Variants in MYADML2 observed in about 807,000 individuals in gnomAD.
MYADML2 encodes the protein myeloid-associated differentiation marker-like protein 2.
A neutral mutation model predicts 16.0 loss-of-function variants in MYADML2; 17 were observed. That is an observed-to-expected ratio of 1.06 (90% CI 0.73 to 1.60). The LOEUF is 1.60. Ranked by LOEUF, MYADML2 falls within the 40% of genes most tolerant of loss-of-function variation. MYADML2 has a pLI of 0.00. For synonymous variants in MYADML2, 210 were observed against 208.1 expected, an observed-to-expected ratio of 1.01 and a Z score of -0.08; for missense variants, 422 against 437.7, an observed-to-expected ratio of 0.96 and a Z score of 0.32.
chr17:81,941,582 A>G lies in MYADML2; in HGVS notation c.160T>C (p.Cys54Arg), dbSNP rs1598362498. The G allele has an allele frequency of 2.6e-6, 4 of 1,548,584 alleles. No homozygotes were observed. The highest frequency in any genetic ancestry group is 3.5e-6 in the Non-Finnish European group (4 of 1,146,836). Residue 54 changes from cysteine to arginine, a missense_variant, in exon 3 of 3, where the codon TGC becomes CGC. Coordinates refer to ENST00000409745, the MANE Select transcript of MYADML2 (RefSeq NM_001145113.3). ...AAGCAGAAGCCCCAGGCGGCCATGC[A>G]GAAGGTGCCCTGGACGCCCGCAAAG... ...GGFAGVQGTFCMAAWGFCFAV... is the reference protein window; with the variant it reads ...GGFAGVQGTFRMAAWGFCFAV...
At chr17:81,945,586 C>G (rs9915949) in intron 1 of MYADML2, among the ~76,000 whole-genome samples, 77,264 of 150,392 alleles carry the variant, frequency 0.51, 20,848 homozygotes, top group Non-Finnish European at 0.6. Flanking sequence ...CCTGTAATCT[C>G]AGTTACTGGG....
rs184132003 is a variant in MYADML2, at chr17:81,940,551, G to C, written c.*267C>G. On this transcript the variant is annotated 3_prime_UTR_variant, in exon 3 of 3. Transcript: ENST00000409745. ...CCAGCACTGAGCCCCAGGAGCGCTG[G>C]GAAATGGTGAGAGAGAGTGAGTTGG... is the stretch of plus-strand genomic sequence containing the variant. 4.0e-5 allele frequency: 18 copies of C among 447,002 alleles called. No homozygotes were observed. Among genetic ancestry groups the C allele is most frequent in the Non-Finnish European group, 5.6e-5 (14 of 250,004 alleles). The allele number at this position is 447,002 out of a possible 1,614,324, so 27.7% of individuals were successfully genotyped here. A position where few individuals can be genotyped will look rare whatever the true frequency, so the allele number is the denominator to read the frequency against.
In MYADML2 at chr17:81,941,336, C is replaced by G; in HGVS notation, c.406G>C (p.Gly136Arg). The G allele has an allele frequency of 6.5e-7, 1 of 1,549,046 alleles. No homozygotes were observed. ...ACAGCGTAGGCCAGGAAGAGGAGCC[C>G]GGCGAAGACACTGGCTGCCAGGCGG... ...DFRLAASVFA[G>R]LLFLAYAVEV... Residue 136 changes from glycine to arginine, a missense_variant, in exon 3 of 3, where the codon GGG becomes CGG. Gly to Arg is a moderately radical substitution (Grantham distance 125, BLOSUM62 -2). Transcript: ENST00000409745.
In MYADML2 at chr17:81,941,055, C is replaced by T; in HGVS notation, c.687G>A (p.Arg229=). ...CCAGGAAGGTGTACACCACCACCAGCCGGTCAAAGGGGCAGCCCAGGCCCC... is the reference window on the plus strand; with the variant it reads ...CCAGGAAGGTGTACACCACCACCAGTCGGTCAAAGGGGCAGCCCAGGCCCC... ...HTGGLGCPFD[R]LVVVYTFLAV... Residue 229 remains arginine (R), a synonymous_variant, in exon 3 of 3, where the codon CGG becomes CGA. Coordinates refer to ENST00000409745, the MANE Select transcript of MYADML2 (RefSeq NM_001145113.3). 1 of 1,550,466 alleles carries T rather than the reference C, an allele frequency of 6.4e-7. No individual in the cohort carries two copies. Among genetic ancestry groups the T allele is most frequent in the Non-Finnish European group, 8.7e-7 (1 of 1,146,990 alleles).
rs1279132999 is a variant in MYADML2, at chr17:81,940,459, G to A, written c.*359C>T. ...CCTCGCAAATGCTTCTAGCCTCCAT[G>A]TCCCCAGCTGCAAAATGGGTCACAA... is the stretch of plus-strand genomic sequence containing the variant. On this transcript the variant is annotated 3_prime_UTR_variant, in exon 3 of 3. Transcript: ENST00000409745. The A allele has an allele frequency of 4.5e-6, 1 of 221,482 alleles. No individual in the cohort carries two copies. Among genetic ancestry groups the A allele is most frequent in the Non-Finnish European group, 9.0e-6 (1 of 110,552 alleles). 13.7% of individuals were successfully genotyped at this position (221,482 alleles called of 1,614,324 possible).
chr17:81,941,085 G>A lies in MYADML2; in HGVS notation c.657C>T (p.His219=), dbSNP rs2041298743. 3 of 1,550,300 alleles carry A rather than the reference G, an allele frequency of 1.9e-6. No individual in the cohort carries two copies. Among genetic ancestry groups the A allele is most frequent in the East Asian group, 2.4e-5 (1 of 40,940 alleles). ...CAAAGGGGCAGCCCAGGCCCCCTGTGTGGCCCATCACACTCAGGGCCACCA... is the reference window on the plus strand; with the variant it reads ...CAAAGGGGCAGCCCAGGCCCCCTGTATGGCCCATCACACTCAGGGCCACCA... ...VAVVALSVMG[H]TGGLGCPFDR... The change falls in exon 3 of 3, where the codon CAC becomes CAT. Residue 219 remains histidine, a synonymous_variant. Coordinates refer to ENST00000409745, the MANE Select transcript of MYADML2 (RefSeq NM_001145113.3).
intron 1 of MYADML2, among the ~76,000 whole-genome samples, chr17:81,944,883 C>T (rs2041331814): frequency 6.6e-6 from 1 of 152,224 alleles, no homozygotes; most frequent in African/African-American, 2.4e-5. Context: ...CTTGGAGGGT[C>T]CTGGAAGCTC....
intron 1 of MYADML2, among the ~76,000 whole-genome samples, chr17:81,943,729 T>C (rs1399789151): frequency 6.6e-6 from 1 of 152,106 alleles, no homozygotes; most frequent in Non-Finnish European, 1.5e-5. Context: ...AAAGAAAAAT[T>C]GCCTGTAATT....
At position 81,941,269 on chromosome 17, in the gene MYADML2, C is replaced by T. The variant is rs1333351983; in HGVS notation, c.473G>A (p.Ser158Asn). ...GAGCCCCGACACCGTGGCCATATAG[C>T]TGCTCACCTGGCCGGGCCGGGCCCG... is the stretch of plus-strand genomic sequence containing the variant. ...LTRARPGQVS[S>N]YMATVSGLLK... The change falls in exon 3 of 3, where the codon AGC becomes AAC. Residue 158 changes from serine to asparagine, a missense_variant. Ser to Asn is a conservative substitution (Grantham distance 46). Coordinates refer to ENST00000409745, the MANE Select transcript of MYADML2 (RefSeq NM_001145113.3). The T allele has an allele frequency of 1.9e-6, 3 of 1,550,116 alleles. No individual in the cohort carries two copies. The highest frequency in any genetic ancestry group is 2.6e-6 in the Non-Finnish European group (3 of 1,146,906).
At chr17:81,943,074 C>CTT (rs111803467) in intron 1 of MYADML2, among the ~76,000 whole-genome samples, 20 of 146,196 alleles carry the variant, frequency 1.4e-4, no homozygotes, top group African/African-American at 4.5e-4. Context: ...AAAATGATAT[C>CTT]TTTTTTTTTT....
chr17:81,943,651 C>T lies in MYADML2; in HGVS notation c.-180-1278G>A, dbSNP rs200977304. ...ATCTCCTGACCTCGTGATCCGCCCG[C>T]CTCAGCCTCCCAAAGTGCTGGGATT... is the stretch of plus-strand genomic sequence containing the variant. On this transcript the variant is annotated intron_variant, in intron 1 of 2. Coordinates refer to ENST00000409745, the MANE Select transcript of MYADML2 (RefSeq NM_001145113.3). Among the ~76,000 whole-genome samples the T allele has an allele frequency of 6.6e-5, 10 of 151,814 alleles. No individual in the cohort carries two copies. The East Asian group carries it at 2.0e-3, about 30-fold the overall frequency.
rs543771480 is a variant in MYADML2, at chr17:81,941,361, G to A, written c.381C>T (p.Phe127=). 5.2e-6 allele frequency: 8 copies of A among 1,548,826 alleles called. No homozygotes were observed. In the South Asian group the frequency reaches 6.0e-5, roughly 12 times the overall value. The part of the protein sequence containing the change: ...PEPAGCAARD[F]RLAASVFAGL... ...CGGCGAAGACACTGGCTGCCAGGCG[G>A]AAGTCCCTGGCAGCACAGCCGGCGG... Residue 127 remains phenylalanine, a synonymous_variant, in exon 3 of 3, where the codon TTC becomes TTT. Transcript: ENST00000409745.
intron 1 of MYADML2, among the ~76,000 whole-genome samples, chr17:81,946,788 C>G (rs1420054595): frequency 6.6e-6 from 1 of 152,084 alleles, no homozygotes; most frequent in African/African-American, 2.4e-5. Flanking sequence ...CCTGACCAAC[C>G]AACATGGTGA....
Position 81,941,280 on chromosome 17 carries a change from G to C in MYADML2, c.462C>G (p.Gly154=). Residue 154 remains glycine, a synonymous_variant, in exon 3 of 3, where the codon GGC becomes GGG. Coordinates refer to ENST00000409745, the MANE Select transcript of MYADML2 (RefSeq NM_001145113.3). ...CCGTGGCCATATAGCTGCTCACCTG[G>C]CCGGGCCGGGCCCGCGTCAGGGCCA... ...VEVALTRARP[G]QVSSYMATVS... 3.2e-6 allele frequency: 5 copies of C among 1,550,008 alleles called. No homozygotes were observed. The highest frequency in any genetic ancestry group is 2.7e-5 in the African/African-American group (2 of 73,162).
In MYADML2 at chr17:81,940,692, T is replaced by A; in HGVS notation, c.*126A>T. 9.4e-7 allele frequency: 1 copy of A among 1,067,736 alleles called. No homozygotes were observed. Among genetic ancestry groups the A allele is most frequent in the Non-Finnish European group, 1.3e-6 (1 of 758,056 alleles). The allele number at this position is 1,067,736 out of a possible 1,614,324, so 66.1% of individuals were successfully genotyped here. A position where few individuals can be genotyped will look rare whatever the true frequency, so the allele number is the denominator to read the frequency against. ...CGGGGAGTGACCTCTCCCGTTGTAC[T>A]TCATCTCCCCTGAGCCCGCGGCTTC... On this transcript the variant is annotated 3_prime_UTR_variant, in exon 3 of 3. Transcript: ENST00000409745.
chr17:81,945,634 C>A (rs758773164), intron 1 of MYADML2, among the ~76,000 whole-genome samples: 41 of 149,156 alleles, frequency 2.7e-4, no homozygotes, highest in South Asian at 6.4e-4. Context: ...CCCAGGAGAC[C>A]GAGGTTGCCG....
At chr17:81,946,090 C>T (rs2041342129) in intron 1 of MYADML2, among the ~76,000 whole-genome samples, 1 of 152,084 alleles carries the variant, frequency 6.6e-6, no homozygotes, top group Non-Finnish European at 1.5e-5. Flanking sequence ...CGCGGTGGGT[C>T]ACGCCTGTAA....
chr17:81,945,933 A>G (rs1359834403), intron 1 of MYADML2, among the ~76,000 whole-genome samples: 2 of 152,116 alleles, frequency 1.3e-5, no homozygotes, highest in Non-Finnish European at 2.9e-5. Flanking sequence ...CCACTCCAGC[A>G]AAGTCACAAA....
Position 81,941,479 on chromosome 17 carries a change from G to A in MYADML2, c.263C>T (p.Thr88Ile), listed in dbSNP as rs1235115183. The A allele has an allele frequency of 1.9e-6, 3 of 1,548,852 alleles. No homozygotes were observed. In the East Asian group the frequency reaches 7.3e-5, roughly 38 times the overall value. ...GGTGGCCAGCATGGCGAAGGCGGCG[G>A]TGAAGTTGCCCCAGGAGAGCCGCAG... ...GCLRLSWGNF[T>I]AAFAMLATLL... The change falls in exon 3 of 3, where the codon ACC (threonine) becomes ATC (isoleucine). Residue 88 changes from threonine (T) to isoleucine (I), a missense_variant. Physicochemically the swap from Thr to Ile is moderately conservative, Grantham distance 89 (BLOSUM62 -1). Transcript: ENST00000409745.
Sources: allele counts gnomAD v4.1 joint callset (sites outside exome capture counted in the v4.1 genomes callset), GRCh38; gene constraint gnomAD v4.1.1; transcripts MANE v1.5; gene names NCBI Gene and HGNC (gene_info 2026-07-23, HGNC 2026-07-21).